The following DACH1 variants were observed in gnomAD, a reference collection of about 807,000 sequenced individuals.
DACH1 encodes dachshund homolog 1.
DACH1 carries 12 observed loss-of-function variants against 54.2 expected under a neutral mutation model. The ratio of observed to expected loss-of-function variants is 0.22; its 90% confidence interval spans 0.14 to 0.36. The LOEUF (loss-of-function observed/expected upper bound fraction) is 0.36, where lower values mean the gene tolerates loss of function less well. DACH1 is among the 10% of genes least tolerant of loss of function. DACH1 has a pLI of 1.00. For missense variants in DACH1, 805 were observed against 929.8 expected (o/e 0.87, Z 1.75); for synonymous variants, 386 against 366.2 (o/e 1.05, Z -0.62).
intron 6 of DACH1, among the ~76,000 whole-genome samples, chr13:71,526,044 G>A (rs1881931242): frequency 6.6e-6 from 1 of 152,058 alleles, no homozygotes; most frequent in African/African-American, 2.4e-5. Flanking sequence ...AACATTTCAA[G>A]GGCAAAAATA....
chr13:71,865,310 C>T (rs1407502972), intron 1 of DACH1, among the ~76,000 whole-genome samples: 1 of 152,134 alleles, frequency 6.6e-6, no homozygotes, highest in South Asian at 2.1e-4. Flanking sequence ...CTCAGCTTCG[C>T]GGGTCATTTC....
intron 3 of DACH1, among the ~76,000 whole-genome samples, chr13:71,592,760 C>T (rs777572069): frequency 3.9e-5 from 6 of 152,044 alleles, no homozygotes; most frequent in African/African-American, 7.2e-5. Flanking sequence ...GTGACAATCT[C>T]AATTTTCACA....
intron 10 of DACH1, among the ~76,000 whole-genome samples, chr13:71,445,625 AGACT>A (rs1874383150): frequency 6.6e-6 from 1 of 152,240 alleles, no homozygotes; most frequent in African/African-American, 2.4e-5. Context: ...AGACCCTTGA[AGACT>A]GACTATCTTT....
chr13:71,479,515 AT>A (rs1040771565), intron 7 of DACH1, among the ~76,000 whole-genome samples, 199 bp from the exon 8 acceptor site: 1 of 152,190 alleles, frequency 6.6e-6, no homozygotes, highest in Non-Finnish European at 1.5e-5. Flanking sequence ...CGGAAGACAA[AT>A]ATTTATGGCA....
chr13:71,790,953 T>G (rs1429881802), intron 1 of DACH1, among the ~76,000 whole-genome samples: 1 of 152,184 alleles, frequency 6.6e-6, no homozygotes, highest in African/African-American at 2.4e-5. Context: ...CAACAACATA[T>G]GAACATTAAA....
At chr13:71,797,340 T>A (rs902356230) in intron 1 of DACH1, among the ~76,000 whole-genome samples, 3 of 151,950 alleles carry the variant, frequency 2.0e-5, no homozygotes, top group Admixed American at 1.3e-4. Context: ...TCAAAAAAAT[T>A]AAGCTGAAAA....
intron 4 of DACH1, among the ~76,000 whole-genome samples, chr13:71,572,332 T>C (rs1195051405): frequency 6.6e-6 from 1 of 152,186 alleles, no homozygotes; most frequent in Non-Finnish European, 1.5e-5. Flanking sequence ...ACAATAATGT[T>C]ACCTTTAATT....
chr13:71,672,656 G>T (rs1410429510), intron 2 of DACH1, among the ~76,000 whole-genome samples: 2 of 152,046 alleles, frequency 1.3e-5, no homozygotes, highest in Non-Finnish European at 2.9e-5. Context: ...ATCTTGCTTT[G>T]CACTAAAATA....
At chr13:71,533,212 C>T (rs891978582) in intron 6 of DACH1, among the ~76,000 whole-genome samples, 3 of 151,598 alleles carry the variant, frequency 2.0e-5, no homozygotes, top group Admixed American at 2.0e-4. Context: ...AGATTTTTTT[C>T]CTATATTTTC....
chr13:71,558,531 A>AT (rs893726322), intron 5 of DACH1, among the ~76,000 whole-genome samples: 38 of 150,934 alleles, frequency 2.5e-4, no homozygotes, highest in Non-Finnish European at 2.4e-4. Context: ...TTTTGTTCCA[A>AT]TTTTTTTTTC....
At chr13:71,756,336 C>T (rs188630005) in intron 1 of DACH1, among the ~76,000 whole-genome samples, 240 of 152,180 alleles carry the variant, frequency 1.6e-3, no homozygotes, top group Admixed American at 3.7e-3. Flanking sequence ...TGAGCCACCG[C>T]ACCCGGCCAA....
intron 1 of DACH1, among the ~76,000 whole-genome samples, chr13:71,835,125 G>A (rs1290419564): frequency 6.6e-6 from 1 of 151,968 alleles, no homozygotes; most frequent in African/African-American, 2.4e-5. Flanking sequence ...TGGAAATGTT[G>A]GCTCAGAGAG....
At chr13:71,753,317 A>C (rs1885003436) in intron 1 of DACH1, among the ~76,000 whole-genome samples, 1 of 152,164 alleles carries the variant, frequency 6.6e-6, no homozygotes, top group African/African-American at 2.4e-5. Flanking sequence ...AAAGGAGCTG[A>C]TATTAGTCTA....
intron 3 of DACH1, among the ~76,000 whole-genome samples, chr13:71,612,281 A>G (rs1296885418): frequency 2.6e-5 from 4 of 152,086 alleles, no homozygotes; most frequent in Admixed American, 2.0e-4. Flanking sequence ...AAAGATACCA[A>G]TTCCTTATGT....
At chr13:71,483,244 A>T (rs919120888) in intron 7 of DACH1, among the ~76,000 whole-genome samples, 1 of 151,366 alleles carries the variant, frequency 6.6e-6, no homozygotes, top group African/African-American at 2.4e-5. Flanking sequence ...TTGAAAATAA[A>T]AACATATAAT....
chr13:71,531,895 T>C (rs1882441044), intron 6 of DACH1, among the ~76,000 whole-genome samples: 1 of 151,952 alleles, frequency 6.6e-6, no homozygotes, highest in Non-Finnish European at 1.5e-5. Context: ...ATTATATTTT[T>C]ATATCATTCT....
chr13:71,481,633 C>A (rs1230142202), intron 7 of DACH1, among the ~76,000 whole-genome samples: 2 of 152,140 alleles, frequency 1.3e-5, no homozygotes, highest in Non-Finnish European at 2.9e-5. Context: ...GACTTTGTAT[C>A]AGTGCATATC....
intron 1 of DACH1, among the ~76,000 whole-genome samples, chr13:71,785,391 A>C (rs1246521777): frequency 3.9e-5 from 6 of 152,206 alleles, no homozygotes; most frequent in Admixed American, 3.9e-4. Flanking sequence ...AAGATAACCC[A>C]AAGAGCATAC....
chr13:71,742,681 C>T (rs1884444784), intron 1 of DACH1, among the ~76,000 whole-genome samples: 1 of 152,078 alleles, frequency 6.6e-6, no homozygotes, highest in Non-Finnish European at 1.5e-5. Context: ...CTAAATGTCA[C>T]CTTGGGAATA....
Sources: allele counts gnomAD v4.1 joint callset (sites outside exome capture counted in the v4.1 genomes callset), GRCh38; gene constraint gnomAD v4.1.1; transcripts MANE v1.5; gene names NCBI Gene and HGNC (gene_info 2026-07-23, HGNC 2026-07-21).